IGSF9: variants seen among roughly 807,000 people sequenced by gnomAD.
IGSF9 encodes immunoglobulin superfamily member 9, also known as protein turtle homolog A.
A neutral mutation model predicts 121.7 loss-of-function variants in IGSF9; 87 were observed. The observed-to-expected ratio is 0.71, with a 90% confidence interval of 0.60 to 0.85. The LOEUF is 0.85. Among genes scored for constraint, IGSF9 ranks in the 40% least tolerant of loss-of-function variants. IGSF9 has a pLI of 0.00. For synonymous variants in IGSF9, 640 were observed against 648.4 expected, an observed-to-expected ratio of 0.99 and a Z score of 0.20; for missense variants, 1,462 against 1,565.3, an observed-to-expected ratio of 0.93 and a Z score of 1.11.
At chr1:159,933,776 C>G in intron 9 of IGSF9, 1 of 244,674 alleles carries the variant, frequency 4.1e-6, no homozygotes, top group South Asian at 4.5e-5. Flanking sequence ...TTGCTGTCCT[C>G]TGCCCAGATG....
chr1:159,943,102 A>G lies in IGSF9; in HGVS notation c.108T>C (p.Ser36=). ...GCAGCAGGTCACAGCCCAGCACCACACTCTCCCCAGCCCGGCCCACCACCG... is the reference window on the plus strand; with the variant it reads ...GCAGCAGGTCACAGCCCAGCACCACGCTCTCCCCAGCCCGGCCCACCACCG... ...VVSVVGRAGE[S]VVLGCDLLPP... is the part of the protein sequence containing the mutation. The change falls in exon 3 of 21, where the codon AGT becomes AGC. Residue 36 remains serine (S), a synonymous_variant. Coordinates refer to ENST00000368094, the MANE Select transcript of IGSF9 (RefSeq NM_001135050.2). The G allele has an allele frequency of 1.9e-6, 3 of 1,605,688 alleles. No homozygotes were observed. The highest frequency in any genetic ancestry group is 2.5e-6 in the Non-Finnish European group (3 of 1,177,220).
intron 14 of IGSF9, 47 bp from the exon 15 acceptor site, chr1:159,930,486 C>T (rs1255348191): frequency 5.9e-6 from 9 of 1,517,336 alleles, no homozygotes; most frequent in Admixed American, 4.4e-5. Context: ...CCCAGCGCCC[C>T]TCCCCTGGCC....
At position 159,932,848 on chromosome 1, in the gene IGSF9, T is replaced by G; in HGVS notation, c.1105-196A>C. ...TGCAGAGGGACCCCTCCCAATAGTG[T>G]GAGGCTGTGACTGCACAACTCCAGG... On this transcript the variant is annotated intron_variant, in intron 9 of 20. Coordinates refer to ENST00000368094, the MANE Select transcript of IGSF9 (RefSeq NM_001135050.2). The surrounding 1 kb of genome is among the most constrained non-coding windows in gnomAD (Gnocchi z 4.1). The G allele has an allele frequency of 3.5e-6, 2 of 567,750 alleles. No homozygotes were observed. The highest frequency in any genetic ancestry group is 6.1e-6 in the Non-Finnish European group (2 of 327,436). 35.2% of individuals were successfully genotyped at this position (567,750 alleles called of 1,614,324 possible).
At chr1:159,945,017 C>T (rs114920314) in intron 1 of IGSF9, among the ~76,000 whole-genome samples, 2 of 151,988 alleles carry the variant, frequency 1.3e-5, no homozygotes, top group East Asian at 1.9e-4. Context: ...CCAACTCCCC[C>T]GGCCTCCACT....
Position 159,943,005 on chromosome 1 carries a change from G to C in IGSF9, c.205C>G (p.Gln69Glu). The change falls in exon 3 of 21, where the codon CAG becomes GAG. Residue 69 changes from glutamine (Q) to glutamate (E), a missense_variant. Physicochemically the swap from Gln to Glu is conservative, Grantham distance 29. Coordinates refer to ENST00000368094, the MANE Select transcript of IGSF9 (RefSeq NM_001135050.2). ...RFGFLLPIFIQFGLYSPRIDP... is the reference protein window; with the variant it reads ...RFGFLLPIFIEFGLYSPRIDP... ...ATTCGGGGAGAGTAGAGGCCGAACT[G>C]GATGAAGATGGGAAGCAGGAATCCA... The C allele has an allele frequency of 6.2e-7, 1 of 1,613,646 alleles. No individual in the cohort carries two copies.
rs1288860591 is a variant in IGSF9 at position 159,931,064 on chromosome 1, G to A, written c.1637+74C>T. The A allele has an allele frequency of 9.4e-5, 151 of 1,601,354 alleles. No individual in the cohort carries two copies. Among genetic ancestry groups the A allele is most frequent in the Non-Finnish European group, 1.2e-4 (144 of 1,170,738 alleles). ...TAGAGGGACAGAAGAAAGGGCAGAA[G>A]GCCAGATAGGTTCAAGGAGGAGAGG... On this transcript the variant is annotated intron_variant, in intron 13 of 20. Transcript: ENST00000368094. The surrounding 1 kb of genome is among the most constrained non-coding windows in gnomAD (Gnocchi z 4.8).
At chr1:159,938,622 A>T (rs1189423909) in intron 3 of IGSF9, among the ~76,000 whole-genome samples, 2 of 152,184 alleles carry the variant, frequency 1.3e-5, no homozygotes. Context: ...AGACAGCTTC[A>T]TGGGTCCCTG....
Position 159,944,206 on chromosome 1 carries a change from C to T in IGSF9, c.-174-578G>A, listed in dbSNP as rs143699370. On this transcript the variant is annotated intron_variant, in intron 1 of 20. Coordinates refer to ENST00000368094, the MANE Select transcript of IGSF9 (RefSeq NM_001135050.2). ...TCAGAAAGTGGTCCCCAGGACACCCCGATACAATCCCTTGTCCCATTTCCC... is the reference window on the plus strand; with the variant it reads ...TCAGAAAGTGGTCCCCAGGACACCCTGATACAATCCCTTGTCCCATTTCCC... Among the ~76,000 whole-genome samples the T allele has an allele frequency of 4.7e-4, 71 of 152,198 alleles. No individual in the cohort carries two copies. In the South Asian group the frequency reaches 8.7e-3, roughly 19 times the overall value.
chr1:159,938,312 C>A (rs1000247109), intron 3 of IGSF9, among the ~76,000 whole-genome samples: 1 of 152,154 alleles, frequency 6.6e-6, no homozygotes, highest in Non-Finnish European at 1.5e-5. Flanking sequence ...ACCCAGACCC[C>A]GCCTGCCAAA....
rs367963572 is a variant in IGSF9, at chr1:159,934,537, G to A, written c.849C>T (p.Asp283=). 2.4e-5 allele frequency: 39 copies of A among 1,613,776 alleles called. No homozygotes were observed. The highest frequency in any genetic ancestry group is 3.3e-4 in the Middle Eastern group (2 of 6,076). ...RLQPRVRILV[D]GSLRLLATQP... is the part of the protein sequence containing the mutation. The stretch of plus-strand genomic sequence containing the variant: ...GGGTGGCCAGCAGCCGCAGGCTCCC[G>A]TCCACCAGGATCCGCACCCGGGGCT... Residue 283 remains aspartate, a synonymous_variant, in exon 8 of 21, where the codon GAC becomes GAT. Transcript: ENST00000368094.
chr1:159,941,277 G>C (rs1174152221), intron 3 of IGSF9, among the ~76,000 whole-genome samples: 1 of 152,172 alleles, frequency 6.6e-6, no homozygotes, highest in East Asian at 1.9e-4. Context: ...ATTGTCCTTA[G>C]CAACCTCTAC....
At chr1:159,940,306 A>G (rs750225658) in intron 3 of IGSF9, among the ~76,000 whole-genome samples, 9 of 152,242 alleles carry the variant, frequency 5.9e-5, no homozygotes, top group Non-Finnish European at 1.0e-4. Flanking sequence ...TGTTACTCAG[A>G]ATATCCAAAG....
chr1:159,938,662 C>T (rs184690394), intron 3 of IGSF9, among the ~76,000 whole-genome samples: 1 of 152,298 alleles, frequency 6.6e-6, no homozygotes, highest in Non-Finnish European at 1.5e-5. Flanking sequence ...CAAGCACACA[C>T]TTGGGAGCCA....
rs536701343 is a variant in IGSF9, at chr1:159,927,792, G to A, written c.3326C>T (p.Ser1109Phe). 3.7e-6 allele frequency: 6 copies of A among 1,613,988 alleles called. No homozygotes were observed. The Admixed American group carries it at 5.0e-5, about 13-fold the overall frequency. Residue 1109 changes from serine to phenylalanine, a missense_variant, in exon 20 of 21, where the codon TCC becomes TTC. Transcript: ENST00000368094. ...LETLHLGLAS[S>F]RLRPEAEPEL... The stretch of plus-strand genomic sequence containing the variant: ...TGGCTCAGCTTCAGGTCTGAGCCGG[G>A]AGCTGGCCAAGCCCAGGTGCAAAGT...
chr1:159,927,504 G>C lies in IGSF9; in HGVS notation c.3381C>G (p.Gly1127=). ...PELGVKTPEE[G]CLLNTAHVTG... is the part of the protein sequence containing the mutation. ...TAACATGGGCAGTGTTCAGGAGGCAGCCCTCCTCTGGAGTCTTCACACCTG... is the reference window on the plus strand; with the variant it reads ...TAACATGGGCAGTGTTCAGGAGGCACCCCTCCTCTGGAGTCTTCACACCTG... Residue 1127 remains glycine (G), a synonymous_variant, in exon 21 of 21, where the codon GGC becomes GGG. Coordinates refer to ENST00000368094, the MANE Select transcript of IGSF9 (RefSeq NM_001135050.2). The C allele has an allele frequency of 5.0e-6, 8 of 1,613,822 alleles. No homozygotes were observed. The highest frequency in any genetic ancestry group is 6.8e-6 in the Non-Finnish European group (8 of 1,179,828).
At chr1:159,937,325 A>G (rs1222989438) in intron 4 of IGSF9, among the ~76,000 whole-genome samples, 1 of 152,068 alleles carries the variant, frequency 6.6e-6, no homozygotes, top group Admixed American at 6.5e-5. Flanking sequence ...GTGAAAAGGT[A>G]TTTTGAAAAC....
chr1:159,927,949 A>C, intron 19 of IGSF9, 62 bp from the exon 20 acceptor site: 1 of 1,575,004 alleles, frequency 6.3e-7, no homozygotes, highest in African/African-American at 1.4e-5. Flanking sequence ...GCTGTTCAGA[A>C]AAGTCTGAAT....
Position 159,934,206 on chromosome 1 carries a change from G to GC in IGSF9, c.1087dup (p.Ala363GlyfsTer145). 6.2e-7 allele frequency: 1 copy of GC among 1,613,614 alleles called. No individual in the cohort carries two copies. Among genetic ancestry groups the GC allele is most frequent in the Non-Finnish European group, 8.5e-7 (1 of 1,179,824 alleles). ...AGCCTGTACCTTGTCCAGCTGCAGG[G>GC]CCTTTCCATCCTTGGTCCAGCTGAC... On this transcript the variant is annotated frameshift_variant, in exon 9 of 21. Transcript: ENST00000368094. LOFTEE classifies it high-confidence loss of function.
chr1:159,942,708 C>T (rs559193890), intron 3 of IGSF9, among the ~76,000 whole-genome samples: 5 of 151,882 alleles, frequency 3.3e-5, no homozygotes, highest in South Asian at 2.1e-4. Context: ...GAACAGACCA[C>T]GTGGAGTCCT....
Sources: allele counts gnomAD v4.1 joint callset (sites outside exome capture counted in the v4.1 genomes callset), GRCh38; gene constraint gnomAD v4.1.1; non-coding constraint Gnocchi (gnomAD v3.1); transcripts MANE v1.5; gene names NCBI Gene and HGNC (gene_info 2026-07-23, HGNC 2026-07-21).